DCHS2: variants seen among roughly 807,000 people sequenced by gnomAD.
The protein encoded by DCHS2 is dachsous cadherin-related 2.
DCHS2 carries 142 observed loss-of-function variants against 182.4 expected under a neutral mutation model. That is an observed-to-expected ratio of 0.78 (90% CI 0.68 to 0.89). The LOEUF is 0.89. DCHS2 is among the 40% of genes least tolerant of loss of function. DCHS2 has a pLI of 0.00. For missense variants in DCHS2, 4,319 were observed against 4,198.6 expected, an observed-to-expected ratio of 1.03 and a Z score of -0.79; for synonymous variants, 1,740 against 1,663.3, an observed-to-expected ratio of 1.05 and a Z score of -1.12.
intron 1 of DCHS2, among the ~76,000 whole-genome samples, chr4:154,467,038 T>C (rs969420385): frequency 3.3e-5 from 5 of 152,198 alleles, no homozygotes; most frequent in Non-Finnish European, 5.9e-5. Context: ...CTATGAAGTT[T>C]ACACAAGATT....
At chr4:154,253,485 G>A (rs1234540763) in intron 16 of DCHS2, among the ~76,000 whole-genome samples, 1 of 152,126 alleles carries the variant, frequency 6.6e-6, no homozygotes, top group African/African-American at 2.4e-5. Context: ...CTTAGAACAT[G>A]GCAGACCTTT....
rs150447868 is a variant in DCHS2, at chr4:154,386,057, C to G, written c.2053-8613G>C. On this transcript the variant is annotated intron_variant, in intron 1 of 19. Transcript: ENST00000357232. ...TCCTGATTCCCACCCCACTCCACCC[C>G]ACAGTCTGCTACCCTCCCGGTCTTT... Among the ~76,000 whole-genome samples, 105 of 152,290 alleles carry G rather than the reference C, an allele frequency of 6.9e-4. No individual in the cohort carries two copies. In the East Asian group the frequency reaches 0.019, roughly 27 times the overall value.
rs1728839559 is a variant in DCHS2 at position 154,491,589 on chromosome 4, A to G, written c.-234T>C. On this transcript the variant is annotated 5_prime_UTR_variant, in exon 1 of 20. Coordinates refer to ENST00000357232, the MANE Select transcript of DCHS2 (RefSeq NM_001358235.2). Reference sequence around the variant, plus strand: ...TCTAGCTGCCTCTGCCGCGGCAGCCACCTCTTCTGCCCCTGGATTTCTTTA... The same window carrying G: ...TCTAGCTGCCTCTGCCGCGGCAGCCGCCTCTTCTGCCCCTGGATTTCTTTA... 4 of 1,335,706 alleles carry G rather than the reference A, an allele frequency of 3.0e-6. No homozygotes were observed. The East Asian group carries it at 8.7e-5, about 29-fold the overall frequency. 82.7% of individuals were successfully genotyped at this position (1,335,706 alleles called of 1,614,324 possible).
chr4:154,428,366 C>A (rs1481802313), intron 1 of DCHS2, among the ~76,000 whole-genome samples: 4 of 151,740 alleles, frequency 2.6e-5, no homozygotes, highest in Admixed American at 6.6e-5. Context: ...ACAGTGAGAC[C>A]CCCCATCTCT....
intron 2 of DCHS2, chr4:154,373,764 G>A: frequency 1.6e-6 from 1 of 610,534 alleles, no homozygotes; most frequent in Non-Finnish European, 2.8e-6. Context: ...CCTCATACCT[G>A]CAAGACGGGC....
intron 1 of DCHS2, among the ~76,000 whole-genome samples, chr4:154,421,690 G>A (rs1303891845): frequency 1.3e-5 from 2 of 152,176 alleles, no homozygotes; most frequent in Non-Finnish European, 2.9e-5. Flanking sequence ...CACCACGCCC[G>A]AACTCATCTG....
At chr4:154,449,855 C>T (rs960976891) in intron 1 of DCHS2, among the ~76,000 whole-genome samples, 29 of 152,302 alleles carry the variant, frequency 1.9e-4, no homozygotes, top group South Asian at 8.3e-4. Flanking sequence ...TGATAATCAA[C>T]GTCATAATTT....
Position 154,373,936 on chromosome 4 carries a change from T to A in DCHS2, c.2244+3317A>T, listed in dbSNP as rs138267434. ...GTTCCTTACCTTCACCAGGGCTAAA[T>A]GTGTCATTCTCTGCTCATCCTGAAA... On this transcript the variant is annotated intron_variant, in intron 2 of 19. Transcript: ENST00000357232. The A allele has an allele frequency of 1.9e-6, 3 of 1,602,600 alleles. No homozygotes were observed. The highest frequency in any genetic ancestry group is 2.6e-6 in the Non-Finnish European group (3 of 1,175,256).
intron 12 of DCHS2, among the ~76,000 whole-genome samples, chr4:154,302,150 A>G (rs1735213686): frequency 1.3e-5 from 2 of 152,246 alleles, no homozygotes; most frequent in Non-Finnish European, 2.9e-5. Context: ...GTAGAAAGGT[A>G]ATATTGATTG....
chr4:154,282,764 G>A (rs964927114), intron 13 of DCHS2, among the ~76,000 whole-genome samples: 1 of 151,928 alleles, frequency 6.6e-6, no homozygotes, highest in African/African-American at 2.4e-5. Context: ...ATAAATGAGA[G>A]GTAAAAGCAA....
At chr4:154,462,454 ATTAT>A (rs1735050325) in intron 1 of DCHS2, among the ~76,000 whole-genome samples, 1 of 152,190 alleles carries the variant, frequency 6.6e-6, no homozygotes, top group Non-Finnish European at 1.5e-5. Context: ...AGATGGCGTC[ATTAT>A]TTATGTTCTC....
rs558722665 is a variant in DCHS2, at chr4:154,333,353, G to A, written c.2855C>T (p.Ala952Val). The A allele has an allele frequency of 1.2e-6, 2 of 1,614,126 alleles. No individual in the cohort carries two copies. Among genetic ancestry groups the A allele is most frequent in the Non-Finnish European group, 8.5e-7 (1 of 1,180,016 alleles). Residue 952 changes from alanine to valine, a missense_variant, in exon 5 of 20, where the codon GCG becomes GTG. Physicochemically the swap from Ala to Val is moderately conservative, Grantham distance 64. Coordinates refer to ENST00000357232, the MANE Select transcript of DCHS2 (RefSeq NM_001358235.2). ...TQPVVVLTVQAQLGSAPACSS... is the reference protein window; with the variant it reads ...TQPVVVLTVQVQLGSAPACSS... ...GCAGGCTGGGGCGCTGCCGAGCTGCGCCTGCACCGTGAGCACAACCACGGG... is the reference window on the plus strand; with the variant it reads ...GCAGGCTGGGGCGCTGCCGAGCTGCACCTGCACCGTGAGCACAACCACGGG...
chr4:154,296,273 T>A (rs1016037928), intron 13 of DCHS2, among the ~76,000 whole-genome samples: 3 of 152,296 alleles, frequency 2.0e-5, no homozygotes, highest in Middle Eastern at 3.4e-3. Context: ...TATCCTTAAC[T>A]TTTAAAGAGA....
At position 154,239,208 on chromosome 4, in the gene DCHS2, A is replaced by G; in HGVS notation, c.7454T>C (p.Leu2485Pro). ...AATGGAGAATTCCTTAGAAGAGGAT[A>G]GAATTCTGTAAGAAATGTTCTCATT... ...ESNENISYRI[L>P]SSSKEFSIDP... Residue 2485 changes from leucine to proline, a missense_variant, in exon 19 of 20, where the codon CTA (leucine) becomes CCA (proline). By Grantham distance (98) the Leu-to-Pro change is moderately conservative (BLOSUM62 -3). Transcript: ENST00000357232. The G allele has an allele frequency of 6.2e-7, 1 of 1,613,438 alleles. No individual in the cohort carries two copies. Among genetic ancestry groups the G allele is most frequent in the Non-Finnish European group, 8.5e-7 (1 of 1,179,678 alleles).
At chr4:154,346,659 G>A (rs969081398) in intron 3 of DCHS2, among the ~76,000 whole-genome samples, 1 of 151,908 alleles carries the variant, frequency 6.6e-6, no homozygotes, top group South Asian at 2.1e-4. Context: ...CTGGAACCCT[G>A]AAAAGTCATT....
chr4:154,251,606 C>A (rs1308528622), intron 16 of DCHS2, among the ~76,000 whole-genome samples: 2 of 152,178 alleles, frequency 1.3e-5, no homozygotes, highest in African/African-American at 2.4e-5. Context: ...GCAATCTCCA[C>A]CTTCCGGGTT....
intron 1 of DCHS2, among the ~76,000 whole-genome samples, chr4:154,449,772 A>G (rs1231154729): frequency 6.6e-6 from 1 of 152,212 alleles, no homozygotes; most frequent in Non-Finnish European, 1.5e-5. Context: ...CAATTTTCAG[A>G]TGTTTAACTT....
At chr4:154,285,424 G>T (rs1734349914) in intron 13 of DCHS2, among the ~76,000 whole-genome samples, 1 of 152,162 alleles carries the variant, frequency 6.6e-6, no homozygotes, top group Non-Finnish European at 1.5e-5. Flanking sequence ...CACCAAGTGG[G>T]CTCTTAGGAT....
chr4:154,268,108 AT>A (rs925046555), intron 14 of DCHS2, among the ~76,000 whole-genome samples: 7 of 151,946 alleles, frequency 4.6e-5, no homozygotes, highest in African/African-American at 7.2e-5. Flanking sequence ...ACTAGCACAA[AT>A]TTTTTTTTCT....
Sources: gnomAD v4.1 joint callset for allele counts (sites outside exome capture counted in the v4.1 genomes callset) on GRCh38, gnomAD v4.1.1 for gene constraint, MANE v1.5 for transcripts, NCBI Gene and HGNC (gene_info 2026-07-23, HGNC 2026-07-21) for gene names.